Variants in HS1BP3 observed in about 807,000 individuals in gnomAD.
The protein encoded by HS1BP3 is HCLS1-binding protein 3.
HS1BP3 carries 32 observed loss-of-function variants against 33.5 expected under a neutral mutation model. That is an observed-to-expected ratio of 0.95 (90% CI 0.72 to 1.28). The LOEUF (loss-of-function observed/expected upper bound fraction) is 1.28, where lower values mean the gene tolerates loss of function less well. Among genes scored for constraint, HS1BP3 ranks in the 50% most tolerant of loss-of-function variants. The pLI, the probability that HS1BP3 is intolerant of heterozygous loss-of-function variation, is 0.00. For synonymous variants in HS1BP3, 187 were observed against 209.2 expected, an observed-to-expected ratio of 0.89 and a Z score of 0.92; for missense variants, 486 against 502.3, an observed-to-expected ratio of 0.97 and a Z score of 0.31.
chr2:20,558,394 A>C (rs1319801401), downstream of HS1BP3, among the ~76,000 whole-genome samples: 1 of 152,026 alleles, frequency 6.6e-6, no homozygotes, highest in African/African-American at 2.4e-5. Context: ...TTGTGCCTCC[A>C]TTTCCTCATT....
At chr2:20,596,321 C>T (rs565125582) in intron 3 of HS1BP3, among the ~76,000 whole-genome samples, 8 of 152,312 alleles carry the variant, frequency 5.3e-5, no homozygotes, top group Admixed American at 2.0e-4. Context: ...TGTGTTCCTC[C>T]AAGATTCTAT....
At chr2:20,578,779 C>G (rs1469469196) in intron 5 of HS1BP3, among the ~76,000 whole-genome samples, 1 of 152,174 alleles carries the variant, frequency 6.6e-6, no homozygotes, top group Non-Finnish European at 1.5e-5. Flanking sequence ...AACTGAGGCT[C>G]AGAATGGGAA....
chr2:20,647,122 G>T (rs1695543697), intron 1 of HS1BP3, among the ~76,000 whole-genome samples: 2 of 152,130 alleles, frequency 1.3e-5, no homozygotes, highest in Admixed American at 1.3e-4. Flanking sequence ...TCCTCTCAGG[G>T]GTGGGAAAGG....
Position 20,611,607 on chromosome 2 carries a change from T to C in HS1BP3, c.178+12289A>G, listed in dbSNP as rs1694320135. On this transcript the variant is annotated intron_variant, in intron 2 of 3. Coordinates refer to the HS1BP3 transcript ENST00000415264. The surrounding 1 kb of genome is among the most constrained non-coding windows in gnomAD (Gnocchi z 4.9). ...CTGTTGACATTATTCCTTGTCAGAA[T>C]GGCTCATTTCCAGTTCGTTCCATCT... Among the ~76,000 whole-genome samples the C allele has an allele frequency of 1.3e-5, 2 of 152,220 alleles. No individual in the cohort carries two copies. Among genetic ancestry groups the C allele is most frequent in the African/African-American group, 4.8e-5 (2 of 41,462 alleles).
At chr2:20,609,145 G>A (rs1292033270) in intron 2 of HS1BP3, among the ~76,000 whole-genome samples, 2 of 152,196 alleles carry the variant, frequency 1.3e-5, no homozygotes, top group African/African-American at 2.4e-5. Context: ...TCCACCCATG[G>A]GTAGCTGCAG....
intron 1 of HS1BP3, among the ~76,000 whole-genome samples, chr2:20,646,555 C>T (rs1695525646): frequency 6.6e-6 from 1 of 152,262 alleles, no homozygotes; most frequent in African/African-American, 2.4e-5. Context: ...CCATGTATGA[C>T]ACCCAATGAC....
chr2:20,610,844 AT>A (rs1694305014), intron 2 of HS1BP3, among the ~76,000 whole-genome samples: 1 of 152,218 alleles, frequency 6.6e-6, no homozygotes, highest in African/African-American at 2.4e-5. Context: ...AAATGTTCCC[AT>A]TTTAAGTGCA....
chr2:20,592,138 C>A (rs529358977), downstream of HS1BP3, among the ~76,000 whole-genome samples: 3 of 216 alleles, frequency 0.014, no homozygotes, highest in Non-Finnish European at 0.026. Context: ...CTCTCACATA[C>A]GTGCCCTGCT....
chr2:20,596,691 T>C (rs1439871914), intron 3 of HS1BP3, among the ~76,000 whole-genome samples: 1 of 152,164 alleles, frequency 6.6e-6, no homozygotes, highest in Non-Finnish European at 1.5e-5. Flanking sequence ...CCCACCCACA[T>C]ACATGTGAGC....
At chr2:20,621,298 G>A (rs1694594493) in intron 6 of HS1BP3, among the ~76,000 whole-genome samples, 1 of 152,254 alleles carries the variant, frequency 6.6e-6, no homozygotes, top group African/African-American at 2.4e-5. Flanking sequence ...CACCCTGCCT[G>A]CTTCCTGGCT....
intron 5 of HS1BP3, among the ~76,000 whole-genome samples, chr2:20,564,794 C>T (rs1396804507): frequency 2.6e-5 from 4 of 152,136 alleles, no homozygotes; most frequent in Non-Finnish European, 5.9e-5. Flanking sequence ...CAGAAATAGC[C>T]TTTCTATTTG....
chr2:20,640,672 G>T, intron 3 of HS1BP3: 1 of 578,122 alleles, frequency 1.7e-6, no homozygotes, highest in South Asian at 2.6e-5. Context: ...TGGTCAGTCG[G>T]GGGGTGTCGG....
Position 20,609,381 on chromosome 2 carries a change from G to A in HS1BP3, c.179-11116C>T, listed in dbSNP as rs116048998. ...TCAGTAAGATTGCCACTTCAAAGCCGTTCCAGGGGCCCGGGGGGACCTCTG... is the reference window on the plus strand; with the variant it reads ...TCAGTAAGATTGCCACTTCAAAGCCATTCCAGGGGCCCGGGGGGACCTCTG... On this transcript the variant is annotated intron_variant, in intron 2 of 3. Transcript: ENST00000415264. Among the ~76,000 whole-genome samples the A allele has an allele frequency of 7.3e-3, 1,118 of 152,354 alleles. 6 individuals carry two copies. The highest frequency in any genetic ancestry group is 0.024 in the African/African-American group (992 of 41,580).
chr2:20,587,174 A>T (rs1243590927), intron 5 of HS1BP3, among the ~76,000 whole-genome samples: 1 of 152,254 alleles, frequency 6.6e-6, no homozygotes, highest in Non-Finnish European at 1.5e-5. Context: ...GTTCTACAAT[A>T]GGTGAATAAA....
Position 20,638,688 on chromosome 2 carries a change from C to T in HS1BP3, c.407-36G>A, listed in dbSNP as rs900006395. On this transcript the variant is annotated intron_variant, in intron 3 of 6. Coordinates refer to ENST00000304031, the MANE Select transcript of HS1BP3 (RefSeq NM_022460.4). Reference sequence around the variant, plus strand: ...AGACAGAAAAGAATGGACTTGGTAACCACCCCAGAGCCAGGGGAGGCATCT... The same window carrying T: ...AGACAGAAAAGAATGGACTTGGTAATCACCCCAGAGCCAGGGGAGGCATCT... 12 of 1,551,924 alleles carry T rather than the reference C, an allele frequency of 7.7e-6. No homozygotes were observed. In the African/African-American group the frequency reaches 1.6e-4, roughly 21 times the overall value.
At chr2:20,602,235 C>T (rs1694087021) in intron 2 of HS1BP3, among the ~76,000 whole-genome samples, 1 of 151,640 alleles carries the variant, frequency 6.6e-6, no homozygotes, top group Admixed American at 6.6e-5. Flanking sequence ...TTATTTCTGG[C>T]CTCTGTGCCA....
chr2:20,617,604 A>ACCATCAGC (rs1694458094), downstream of HS1BP3, among the ~76,000 whole-genome samples: 10 of 151,402 alleles, frequency 6.6e-5, no homozygotes, highest in Admixed American at 5.9e-4. Context: ...AACCACCCGC[A>ACCATCAGC]CCATCAGCCG....
At position 20,611,416 on chromosome 2, in the gene HS1BP3, C is replaced by T. The variant is rs1221447642; in HGVS notation, c.178+12480G>A. On this transcript the variant is annotated intron_variant, in intron 2 of 3. Coordinates refer to the HS1BP3 transcript ENST00000415264. This position sits in a 1 kb window ranked among gnomAD's most constrained non-coding sequence, Gnocchi z 4.9. ...GATACAGGCCAGCCTGACCATGGGCCGCTGGGACTGCCAGAAACCTCTCTC... is the reference window on the plus strand; with the variant it reads ...GATACAGGCCAGCCTGACCATGGGCTGCTGGGACTGCCAGAAACCTCTCTC... Among the ~76,000 whole-genome samples the T allele has an allele frequency of 3.3e-5, 5 of 152,140 alleles. No homozygotes were observed. The highest frequency in any genetic ancestry group is 7.2e-5 in the African/African-American group (3 of 41,434).
downstream of HS1BP3, among the ~76,000 whole-genome samples, chr2:20,559,185 C>G (rs556460152): frequency 2.0e-5 from 3 of 152,350 alleles, no homozygotes; most frequent in South Asian, 6.2e-4. Context: ...GCTCACCCCA[C>G]AAAGCCCCAG....
Sources: allele counts gnomAD v4.1 joint callset (sites outside exome capture counted in the v4.1 genomes callset), GRCh38; gene constraint gnomAD v4.1.1; non-coding constraint Gnocchi (gnomAD v3.1); transcripts MANE v1.5; gene names NCBI Gene and HGNC (gene_info 2026-07-23, HGNC 2026-07-21).